The following GPC3 variants were observed in gnomAD, a reference collection of about 807,000 sequenced individuals.
The protein encoded by GPC3 is glypican 3, also known as glypican-3.
In GPC3, 3 loss-of-function variants were observed where a neutral mutation model predicts 34.4. The observed-to-expected ratio is 0.09, with a 90% CI of 0.04 to 0.23. GPC3 has a LOEUF of 0.23. Among genes scored for constraint, GPC3 ranks in the 10% least tolerant of loss-of-function variants. The pLI is 1.00. For synonymous variants in GPC3, 177 were observed against 174.0 expected (o/e 1.02, Z -0.13); for missense variants, 351 against 445.6 (o/e 0.79, Z 1.91).
chrX:133,808,359 C>T (rs924314309), intron 2 of GPC3, among the ~76,000 whole-genome samples: 3 of 112,238 alleles, frequency 2.7e-5, no homozygotes, highest in Admixed American at 9.4e-5. Context: ...TTTCAAAGAA[C>T]TCCATATGTC....
At chrX:133,688,589 C>A (rs996010920) in intron 5 of GPC3, among the ~76,000 whole-genome samples, 1 of 111,630 alleles carries the variant, frequency 9.0e-6, no homozygotes, top group Non-Finnish European at 1.9e-5. Context: ...CTCAGTATTT[C>A]CCTCAACATC....
chrX:133,893,350 G>A (rs1016775892), intron 2 of GPC3, among the ~76,000 whole-genome samples: 9 of 111,801 alleles, frequency 8.1e-5, no homozygotes, highest in African/African-American at 2.9e-4. Flanking sequence ...GGTATTTGGG[G>A]AAAGAGATTC....
intron 2 of GPC3, among the ~76,000 whole-genome samples, chrX:133,937,691 G>A (rs2076329046): frequency 9.0e-6 from 1 of 111,654 alleles, no homozygotes; most frequent in Non-Finnish European, 1.9e-5. Context: ...ATATTTATCA[G>A]AACTTAGTAA....
At chrX:133,803,373 T>C (rs1006491196) in intron 2 of GPC3, among the ~76,000 whole-genome samples, 2 of 112,582 alleles carry the variant, frequency 1.8e-5, no homozygotes, top group African/African-American at 6.5e-5. Flanking sequence ...CCAAGTTCCC[T>C]ACCATGGTCC....
intron 6 of GPC3, among the ~76,000 whole-genome samples, chrX:133,644,944 C>A (rs1055425807): frequency 4.5e-5 from 5 of 111,105 alleles, no homozygotes; most frequent in Admixed American, 3.8e-4. Flanking sequence ...CCATGCCCAG[C>A]AAATTTCTGT....
At chrX:133,677,167 G>A (rs1473345382) in intron 5 of GPC3, among the ~76,000 whole-genome samples, 1 of 111,521 alleles carries the variant, frequency 9.0e-6, no homozygotes, top group African/African-American at 3.3e-5. Flanking sequence ...ATTAGAAATC[G>A]AGAACAACTC....
At chrX:133,720,007 T>C (rs1163661514) in intron 3 of GPC3, among the ~76,000 whole-genome samples, 1 of 112,090 alleles carries the variant, frequency 8.9e-6, no homozygotes, top group Non-Finnish European at 1.9e-5. Context: ...CACGATGAGA[T>C]ACCACCTTAC....
chrX:133,667,511 A>G (rs1363614406), intron 5 of GPC3, among the ~76,000 whole-genome samples: 1 of 111,633 alleles, frequency 9.0e-6, no homozygotes, highest in Non-Finnish European at 1.9e-5. Flanking sequence ...TTCAAACCTT[A>G]GGTGGTTGAC....
intron 1 of GPC3, among the ~76,000 whole-genome samples, chrX:133,959,717 T>C (rs1397871529): frequency 1.8e-5 from 2 of 112,570 alleles, no homozygotes; most frequent in Non-Finnish European, 3.8e-5. Context: ...AAAGTAAATA[T>C]TCAATATGCA....
At chrX:133,698,242 A>T (rs566324857) in intron 4 of GPC3, among the ~76,000 whole-genome samples, 1 of 112,148 alleles carries the variant, frequency 8.9e-6, no homozygotes, top group Admixed American at 9.5e-5. Flanking sequence ...GAAAGCTAGA[A>T]GGGGCAGTGA....
In GPC3 at chrX:133,651,253, G is replaced by T. The variant is rs145448729; in HGVS notation, c.1413+10477C>A. On this transcript the variant is annotated intron_variant, in intron 6 of 7. Coordinates refer to ENST00000370818, the MANE Select transcript of GPC3 (RefSeq NM_004484.4). ...GGCTGGAGTGCAGTGGCGCGATCTC[G>T]GCTCACTGCAAGCGGTGGAGAGTAC... 8.9e-3 allele frequency among the ~76,000 whole-genome samples: 971 copies of T among 108,603 alleles called. 15 individuals are homozygous for T. The highest frequency in any genetic ancestry group is 0.03 in the African/African-American group (884 of 29,741). The allele number at this position is 108,603 out of a possible 115,157, so 94.3% of individuals were successfully genotyped here. A position where few individuals can be genotyped will look rare whatever the true frequency, so the allele number is the denominator to read the frequency against.
At chrX:133,749,749 G>A (rs1211657293) in intron 3 of GPC3, among the ~76,000 whole-genome samples, 1 of 111,326 alleles carries the variant, frequency 9.0e-6, no homozygotes, top group African/African-American at 3.3e-5. Flanking sequence ...AGGACTGAAT[G>A]GCAGGGTTTT....
intron 2 of GPC3, among the ~76,000 whole-genome samples, chrX:133,940,649 A>G (rs1353303769): frequency 8.9e-6 from 1 of 111,759 alleles, no homozygotes; most frequent in African/African-American, 3.3e-5. Flanking sequence ...TCTGACCTTC[A>G]AGAAGGCTTA....
chrX:133,641,972 G>A (rs1410697235), intron 6 of GPC3, among the ~76,000 whole-genome samples: 3 of 111,846 alleles, frequency 2.7e-5, no homozygotes, highest in African/African-American at 9.8e-5. Context: ...ATTCTATAGA[G>A]CCTGCATGCT....
intron 2 of GPC3, among the ~76,000 whole-genome samples, chrX:133,797,666 T>C (rs2075589017): frequency 1.8e-5 from 2 of 110,422 alleles, no homozygotes; most frequent in Non-Finnish European, 3.8e-5. Flanking sequence ...CTGTCTCTAC[T>C]AAAAATACAA....
chrX:133,872,384 A>C (rs1455221543), intron 2 of GPC3, among the ~76,000 whole-genome samples: 1 of 111,822 alleles, frequency 8.9e-6, no homozygotes, highest in Non-Finnish European at 1.9e-5. Flanking sequence ...ATGTCACTAA[A>C]ACATTTAATA....
At chrX:133,573,968 A>G (rs776699981) in intron 7 of GPC3, among the ~76,000 whole-genome samples, 2 of 112,483 alleles carry the variant, frequency 1.8e-5, no homozygotes, top group East Asian at 5.6e-4. Flanking sequence ...CAGCCATACA[A>G]TGGAATGTTA....
chrX:133,979,012 T>C (rs748451493), intron 1 of GPC3, among the ~76,000 whole-genome samples: 2 of 112,583 alleles, frequency 1.8e-5, no homozygotes, highest in Non-Finnish European at 3.8e-5. Flanking sequence ...ACTGTGGAAA[T>C]TTTGAAAAAT....
intron 2 of GPC3, among the ~76,000 whole-genome samples, chrX:133,920,450 T>C (rs763993361): frequency 1.3e-3 from 151 of 111,951 alleles, no homozygotes; most frequent in African/African-American, 4.7e-3. Context: ...AAAATATGTG[T>C]ACACAGGTGA....
Sources: gnomAD v4.1 joint callset for allele counts (sites outside exome capture counted in the v4.1 genomes callset) on GRCh38, gnomAD v4.1.1 for gene constraint, MANE v1.5 for transcripts, NCBI Gene and HGNC (gene_info 2026-07-23, HGNC 2026-07-21) for gene names.